PCNX1: variants seen among roughly 807,000 people sequenced by gnomAD.
PCNX1 encodes pecanex 1, also known as pecanex-like protein 1.
Under a neutral mutation model 242.2 loss-of-function variants are expected in PCNX1, and 78 were observed. That is an observed-to-expected ratio of 0.32 (90% confidence interval 0.27 to 0.39). PCNX1 has a LOEUF of 0.39. PCNX1 is among the 10% of genes least tolerant of loss of function. PCNX1 has a pLI of 1.00. For synonymous variants in PCNX1, 1,024 were observed against 1,032.9 expected (o/e 0.99, Z 0.17); for missense variants, 2,581 against 2,856.5 (o/e 0.90, Z 2.20).
At chr14:71,104,305 A>C (rs1278212607) in intron 32 of PCNX1, among the ~76,000 whole-genome samples, 1 of 152,200 alleles carries the variant, frequency 6.6e-6, no homozygotes, top group Non-Finnish European at 1.5e-5. Context: ...TAAGAAAACC[A>C]AATCTGGCAA....
intron 1 of PCNX1, among the ~76,000 whole-genome samples, chr14:70,932,433 T>C (rs1284426894): frequency 6.6e-6 from 1 of 152,090 alleles, no homozygotes; most frequent in Non-Finnish European, 1.5e-5. Context: ...TTACAATTAA[T>C]CTACCTTTTT....
intron 19 of PCNX1, among the ~76,000 whole-genome samples, chr14:71,043,169 A>G (rs2060759368): frequency 6.6e-6 from 1 of 152,082 alleles, no homozygotes; most frequent in Non-Finnish European, 1.5e-5. Context: ...ATTAGATGTT[A>G]GTCTAATGGG....
At chr14:70,988,483 G>A in intron 6 of PCNX1, 84 bp from the exon 7 acceptor site, 1 of 1,408,260 alleles carries the variant, frequency 7.1e-7, no homozygotes, top group Non-Finnish European at 9.9e-7. Context: ...CCATGAGGGT[G>A]GGAAGTCAAG....
intron 16 of PCNX1, chr14:71,031,945 G>C (rs1329519936): frequency 1.0e-5 from 14 of 1,392,466 alleles, no homozygotes; most frequent in Non-Finnish European, 1.4e-5. Context: ...CTCCCCAAAG[G>C]CAAACTTCAT....
intron 1 of PCNX1, among the ~76,000 whole-genome samples, chr14:70,933,403 A>C (rs1217474825): frequency 6.6e-6 from 1 of 152,246 alleles, no homozygotes; most frequent in Non-Finnish European, 1.5e-5. Flanking sequence ...CCATGAGCTA[A>C]GAATTATTTT....
At position 71,109,516 on chromosome 14, in the gene PCNX1, C is replaced by G; in HGVS notation, c.6809C>G (p.Pro2270Arg). The G allele has an allele frequency of 6.2e-7, 1 of 1,613,874 alleles. No homozygotes were observed. Among genetic ancestry groups the G allele is most frequent in the Non-Finnish European group, 8.5e-7 (1 of 1,179,790 alleles). The change falls in exon 35 of 36, where the codon CCT becomes CGT. Residue 2270 changes from proline (P) to arginine (R), a missense_variant. Around this residue, in one of 9 missense-constraint regions of PCNX1, gnomAD observed 432 missense variants for 433.6 expected, o/e 1.00. Transcript: ENST00000304743. ...NLSKRKELQWPDEGIRLKAGR... is the reference protein window; with the variant it reads ...NLSKRKELQWRDEGIRLKAGR... ...TCTAAAAGGAAAGAGCTACAGTGGC[C>G]TGATGAAGGAATCCGGTTAAAAGCT... is the stretch of plus-strand genomic sequence containing the variant.
chr14:70,969,305 A>G, intron 5 of PCNX1, 195 bp downstream of exon 5: 1 of 495,542 alleles, frequency 2.0e-6, no homozygotes. Context: ...ACTCAGTTAT[A>G]CATGTTCTGC....
intron 8 of PCNX1, among the ~76,000 whole-genome samples, chr14:71,006,103 C>CTGTGTGTG (rs60147260): frequency 4.4e-5 from 5 of 114,246 alleles, no homozygotes; most frequent in South Asian, 3.2e-4. Context: ...GTGTGTGTGT[C>CTGTGTGTG]TGTGTGTGTG....
chr14:71,012,428 T>G (rs1280117753), intron 10 of PCNX1: 2 of 156,452 alleles, frequency 1.3e-5, no homozygotes, highest in African/African-American at 4.8e-5. Flanking sequence ...ATCTTAAGAT[T>G]TTAGACACTT....
At position 71,103,454 on chromosome 14, in the gene PCNX1, A is replaced by C. The variant is rs761717924; in HGVS notation, c.5880A>C (p.Leu1960=). 6.2e-7 allele frequency: 1 copy of C among 1,614,132 alleles called. No individual in the cohort carries two copies. Among genetic ancestry groups the C allele is most frequent in the Non-Finnish European group, 8.5e-7 (1 of 1,179,992 alleles). Residue 1960 remains leucine (L), a synonymous_variant, in exon 32 of 36, where the codon CTA becomes CTC. Coordinates refer to ENST00000304743, the MANE Select transcript of PCNX1 (RefSeq NM_014982.3). ...WAGQQQELVF[L]RNRNPERGSI... ...GGCAACAGCAGGAGCTTGTTTTTCT[A>C]CGTAACCGTAACCCAGAGAGAGGTA...
chr14:70,918,438 G>T (rs1286772651), intron 1 of PCNX1, among the ~76,000 whole-genome samples: 1 of 151,978 alleles, frequency 6.6e-6, no homozygotes, highest in Non-Finnish European at 1.5e-5. Flanking sequence ...TTTTATTTTA[G>T]AATTTACACT....
At chr14:70,966,069 G>T (rs1032013949) in intron 3 of PCNX1, among the ~76,000 whole-genome samples, 1 of 152,118 alleles carries the variant, frequency 6.6e-6, no homozygotes, top group Non-Finnish European at 1.5e-5. Context: ...ATATCATTAA[G>T]TGTTTTTCTA....
intron 2 of PCNX1, among the ~76,000 whole-genome samples, chr14:70,948,668 TCTATATA>T (rs2057567207): frequency 6.8e-6 from 1 of 147,306 alleles, no homozygotes; most frequent in Non-Finnish European, 1.5e-5. Flanking sequence ...TATACACGTG[TCTATATA>T]GATGTGTATA....
rs760100341 is a variant in PCNX1, at chr14:70,978,077, T to C, written c.1740T>C (p.Tyr580=). 1.9e-6 allele frequency: 3 copies of C among 1,614,136 alleles called. No individual in the cohort carries two copies. The highest frequency in any genetic ancestry group is 1.7e-5 in the Admixed American group (1 of 60,026). The change falls in exon 6 of 36, where the codon TAT becomes TAC. Residue 580 remains tyrosine, a synonymous_variant. Transcript: ENST00000304743. ...TTGATTCAAGCCGGCATAGGGACTA[T>C]GTTTGCTTTCGAGGTGTTTCTGGTA... ...SSFDSSRHRD[Y]VCFRGVSGTK...
chr14:70,917,389 A>G (rs984906331), intron 1 of PCNX1, among the ~76,000 whole-genome samples: 2 of 152,164 alleles, frequency 1.3e-5, no homozygotes, highest in African/African-American at 2.4e-5. Flanking sequence ...CTAAGACTTG[A>G]TAGTCAAAAT....
rs1005981464 is a variant in PCNX1, at chr14:71,015,509, G to T, written c.2996+2307G>T. On this transcript the variant is annotated intron_variant, in intron 11 of 35. Transcript: ENST00000304743. ...TTTGAAGGTAGACTGTCATAAATGTGTATTGTAAACCCTAGGCTGGACGCC... is the reference window on the plus strand; with the variant it reads ...TTTGAAGGTAGACTGTCATAAATGTTTATTGTAAACCCTAGGCTGGACGCC... Among the ~76,000 whole-genome samples the T allele has an allele frequency of 7.2e-5, 11 of 152,142 alleles. No homozygotes were observed. The East Asian group carries it at 2.1e-3, about 29-fold the overall frequency.
intron 1 of PCNX1, among the ~76,000 whole-genome samples, chr14:70,938,182 TGA>T (rs1186995666): frequency 1.3e-5 from 2 of 152,182 alleles, no homozygotes; most frequent in African/African-American, 4.8e-5. Context: ...ATAGGAGTGG[TGA>T]GAGAGGGCAT....
At chr14:70,976,355 T>C (rs2058685265) in intron 5 of PCNX1, among the ~76,000 whole-genome samples, 1 of 64,320 alleles carries the variant, frequency 1.6e-5, no homozygotes, top group South Asian at 4.0e-4. Flanking sequence ...CCTTTGTTGC[T>C]CTTTCTTTCT....
At chr14:71,014,638 T>C (rs753223198) in intron 11 of PCNX1, among the ~76,000 whole-genome samples, 26 of 152,104 alleles carry the variant, frequency 1.7e-4, no homozygotes, top group Non-Finnish European at 3.5e-4. Context: ...GAAGAAAAGA[T>C]TATTGAACTC....
Sources: allele counts gnomAD v4.1 joint callset (sites outside exome capture counted in the v4.1 genomes callset), GRCh38; gene constraint gnomAD v4.1.1; regional missense constraint gnomAD v4.1.1; transcripts MANE v1.5; gene names NCBI Gene and HGNC (gene_info 2026-07-23, HGNC 2026-07-21).